Variants in EFNA5 observed in about 807,000 individuals in gnomAD.
The protein encoded by EFNA5 is ephrin-A5.
Under a neutral mutation model 22.9 loss-of-function variants are expected in EFNA5, and 5 were observed. That is an observed-to-expected ratio of 0.22 (90% CI 0.11 to 0.46). The LOEUF (loss-of-function observed/expected upper bound fraction) is 0.46, where lower values mean the gene tolerates loss of function less well. Ranked by LOEUF, EFNA5 falls within the 20% of genes least tolerant of loss-of-function variation. The pLI, the probability that EFNA5 is intolerant of heterozygous loss-of-function variation, is 0.99. For synonymous variants in EFNA5, 113 were observed against 112.2 expected (o/e 1.01, Z -0.04); for missense variants, 237 against 293.3 (o/e 0.81, Z 1.40).
At chr5:107,574,089 C>T (rs1748873350) in intron 1 of EFNA5, among the ~76,000 whole-genome samples, 1 of 152,178 alleles carries the variant, frequency 6.6e-6, no homozygotes, top group African/African-American at 2.4e-5. Flanking sequence ...GAATCTTAGG[C>T]TCACTACTAT....
intron 1 of EFNA5, among the ~76,000 whole-genome samples, chr5:107,472,979 G>A (rs1750185125): frequency 6.6e-6 from 1 of 152,080 alleles, no homozygotes; most frequent in African/African-American, 2.4e-5. Context: ...ACTGTAAATG[G>A]AGCCCCCAGT....
At chr5:107,392,655 G>C (rs1056472871) in intron 2 of EFNA5, among the ~76,000 whole-genome samples, 3 of 152,146 alleles carry the variant, frequency 2.0e-5, no homozygotes, top group Non-Finnish European at 2.9e-5. Flanking sequence ...AAAATTTGGG[G>C]GTAATTTCTT....
chr5:107,528,249 C>A (rs751182833), intron 1 of EFNA5, among the ~76,000 whole-genome samples: 8 of 152,144 alleles, frequency 5.3e-5, no homozygotes, highest in Non-Finnish European at 8.8e-5. Flanking sequence ...AGCTTGATAT[C>A]AAAACAACTA....
chr5:107,537,108 A>C (rs1308729255), intron 1 of EFNA5, among the ~76,000 whole-genome samples: 1 of 89,208 alleles, frequency 1.1e-5, no homozygotes, highest in Non-Finnish European at 2.2e-5. Context: ...CGCCTCAAAG[A>C]AAAAAAAAAA....
At chr5:107,440,269 G>A (rs1010241658) in intron 1 of EFNA5, among the ~76,000 whole-genome samples, 2 of 152,146 alleles carry the variant, frequency 1.3e-5, no homozygotes, top group Non-Finnish European at 2.9e-5. Flanking sequence ...GCACTTTAGA[G>A]GATTCTCAAG....
intron 1 of EFNA5, among the ~76,000 whole-genome samples, chr5:107,634,769 T>C (rs371078865): frequency 2.6e-5 from 3 of 113,874 alleles, no homozygotes; most frequent in African/African-American, 8.0e-5. Flanking sequence ...CTCAAGTCTA[T>C]TGATCTTCAT....
chr5:107,450,649 G>T (rs1341373357), intron 1 of EFNA5, among the ~76,000 whole-genome samples: 1 of 152,216 alleles, frequency 6.6e-6, no homozygotes. Context: ...GGCACTGGAT[G>T]TATGTGGTTC....
At chr5:107,488,630 TAAG>T (rs1746711521) in intron 1 of EFNA5, among the ~76,000 whole-genome samples, 1 of 152,162 alleles carries the variant, frequency 6.6e-6, no homozygotes, top group African/African-American at 2.4e-5. Context: ...ACTCACTTCT[TAAG>T]AAGACACACA....
chr5:107,640,853 T>C (rs1750484021), intron 1 of EFNA5, among the ~76,000 whole-genome samples: 1 of 152,160 alleles, frequency 6.6e-6, no homozygotes. Flanking sequence ...TGGGTGTCTC[T>C]CCTTCCCCAG....
rs1309131 is a variant in EFNA5 at position 107,592,015 on chromosome 5, A to T, written c.125+78474T>A. On this transcript the variant is annotated intron_variant, in intron 1 of 4. Coordinates refer to ENST00000333274, the MANE Select transcript of EFNA5 (RefSeq NM_001962.3). ...AATATATATAATATATAATATATATAATATAATATATATTATATATTATAT... is the reference window on the plus strand; with the variant it reads ...AATATATATAATATATAATATATATTATATAATATATATTATATATTATAT... Among the ~76,000 whole-genome samples, 14 of 38,008 alleles carry T rather than the reference A, an allele frequency of 3.7e-4. 2 individuals carry two copies. The highest frequency in any genetic ancestry group is 1.4e-3 in the African/African-American group (7 of 5,026). The allele number at this position is 38,008 out of a possible 152,430, so 24.9% of individuals were successfully genotyped here.
chr5:107,520,938 T>A (rs1316307840), intron 1 of EFNA5, among the ~76,000 whole-genome samples: 1 of 152,236 alleles, frequency 6.6e-6, no homozygotes, highest in Non-Finnish European at 1.5e-5. Flanking sequence ...ACACCATTTG[T>A]GTCTATTTTC....
chr5:107,603,883 G>A (rs971506655), intron 1 of EFNA5, among the ~76,000 whole-genome samples: 14 of 152,316 alleles, frequency 9.2e-5, no homozygotes, highest in African/African-American at 3.4e-4. Flanking sequence ...CCTGCTCATA[G>A]AACAAAGTGA....
intron 1 of EFNA5, among the ~76,000 whole-genome samples, chr5:107,664,929 C>A (rs1476323523): frequency 6.6e-6 from 1 of 151,402 alleles, no homozygotes; most frequent in African/African-American, 2.4e-5. Context: ...TTTATTGCTA[C>A]CGAAGTTATT....
At chr5:107,508,873 C>T (rs1747303527) in intron 1 of EFNA5, among the ~76,000 whole-genome samples, 1 of 152,164 alleles carries the variant, frequency 6.6e-6, no homozygotes, top group African/African-American at 2.4e-5. Flanking sequence ...TAGGTATATT[C>T]ATTACTTGAA....
At chr5:107,485,894 C>T (rs1746605553) in intron 1 of EFNA5, among the ~76,000 whole-genome samples, 1 of 152,048 alleles carries the variant, frequency 6.6e-6, no homozygotes, top group Admixed American at 6.6e-5. Flanking sequence ...TTATTTTCAA[C>T]AGGGGATGAC....
At chr5:107,659,915 T>A (rs1289184677) in intron 1 of EFNA5, among the ~76,000 whole-genome samples, 1 of 151,672 alleles carries the variant, frequency 6.6e-6, no homozygotes, top group Non-Finnish European at 1.5e-5. Context: ...CCTTTCTACA[T>A]TTTTTTTCCT....
At chr5:107,594,921 C>A (rs1269900057) in intron 1 of EFNA5, among the ~76,000 whole-genome samples, 9 of 152,188 alleles carry the variant, frequency 5.9e-5, no homozygotes, top group Admixed American at 5.9e-4. Context: ...GACCTTCTGG[C>A]CAAAACAGCG....
intron 1 of EFNA5, among the ~76,000 whole-genome samples, chr5:107,647,661 T>C (rs1750653776): frequency 6.6e-6 from 1 of 152,142 alleles, no homozygotes; most frequent in African/African-American, 2.4e-5. Flanking sequence ...AATTACTAAA[T>C]GCAGAAACAC....
intron 1 of EFNA5, among the ~76,000 whole-genome samples, chr5:107,499,040 T>C (rs1747065960): frequency 1.3e-5 from 2 of 152,094 alleles, no homozygotes; most frequent in South Asian, 2.1e-4. Context: ...GAGATTTCCA[T>C]TGGAAACAGA....
Sources: gnomAD v4.1 joint callset for allele counts (sites outside exome capture counted in the v4.1 genomes callset) on GRCh38, gnomAD v4.1.1 for gene constraint, MANE v1.5 for transcripts, NCBI Gene and HGNC (gene_info 2026-07-23, HGNC 2026-07-21) for gene names.